PRKCA: variants seen among roughly 807,000 people sequenced by gnomAD.
PRKCA encodes the protein protein kinase C alpha type.
PRKCA carries 27 observed loss-of-function variants against 87.0 expected under a neutral mutation model. The ratio of observed to expected loss-of-function variants is 0.31; its 90% CI spans 0.23 to 0.43. The LOEUF (loss-of-function observed/expected upper bound fraction) is 0.43. Among genes scored for constraint, PRKCA ranks in the 20% least tolerant of loss-of-function variants. The pLI is 1.00. For missense variants in PRKCA, 518 were observed against 852.3 expected, an observed-to-expected ratio of 0.61 and a Z score of 4.88; for synonymous variants, 329 against 311.1, an observed-to-expected ratio of 1.06 and a Z score of -0.61.
intron 3 of PRKCA, among the ~76,000 whole-genome samples, chr17:66,528,394 A>G (rs918445749): frequency 6.6e-6 from 1 of 152,162 alleles, no homozygotes; most frequent in African/African-American, 2.4e-5. Flanking sequence ...AAAAGAGCAT[A>G]ATGCAGATGT....
intron 5 of PRKCA, among the ~76,000 whole-genome samples, chr17:66,653,472 TC>T (rs1416363944): frequency 2.0e-5 from 3 of 152,066 alleles, no homozygotes; most frequent in Non-Finnish European, 4.4e-5. Flanking sequence ...GCACTTGTAG[TC>T]CCAGCTACTC....
chr17:66,338,967 T>C (rs1906873428), intron 2 of PRKCA, among the ~76,000 whole-genome samples: 1 of 152,228 alleles, frequency 6.6e-6, no homozygotes, highest in African/African-American at 2.4e-5. Context: ...ACACAGGCCC[T>C]AATCTGTCTT....
intron 16 of PRKCA, among the ~76,000 whole-genome samples, chr17:66,799,730 C>G (rs35960477): frequency 0.36 from 53,237 of 148,232 alleles, 11,162 homozygotes; most frequent in African/African-American, 0.57. Context: ...TAACATCTTG[C>G]AAAACAAGTA....
intron 5 of PRKCA, among the ~76,000 whole-genome samples, chr17:66,647,754 G>C (rs1971493080): frequency 6.6e-6 from 1 of 152,188 alleles, no homozygotes; most frequent in African/African-American, 2.4e-5. Context: ...CAATTGTAGA[G>C]TCAGCTTAAG....
At chr17:66,402,933 C>T (rs1057292572) in intron 2 of PRKCA, among the ~76,000 whole-genome samples, 1 of 152,146 alleles carries the variant, frequency 6.6e-6, no homozygotes, top group Admixed American at 6.5e-5. Flanking sequence ...AATATTGGAG[C>T]CTGTCCTGGC....
chr17:66,472,404 T>G (rs73996232), intron 2 of PRKCA, among the ~76,000 whole-genome samples: 9,696 of 152,262 alleles, frequency 0.064, 1,029 homozygotes, highest in African/African-American at 0.22. Context: ...CAGGTGTCCC[T>G]GGGTTGGCTC....
rs540585052 is a variant in PRKCA, at chr17:66,375,398, A to G, written c.205+69271A>G. ...TTGCTGGCTGAAGCCAGATACCTAC[A>G]TGGGCTGTATAGTGATGGATGCTTC... is the stretch of plus-strand genomic sequence containing the variant. On this transcript the variant is annotated intron_variant, in intron 2 of 16. Transcript: ENST00000413366. Among the ~76,000 whole-genome samples, 126 of 152,230 alleles carry G rather than the reference A, an allele frequency of 8.3e-4. 1 individual carries two copies. Among genetic ancestry groups the G allele is most frequent in the African/African-American group, 2.8e-3 (118 of 41,562 alleles).
At chr17:66,683,431 C>T (rs190251837) in intron 5 of PRKCA, among the ~76,000 whole-genome samples, 110 of 152,318 alleles carry the variant, frequency 7.2e-4, no homozygotes, top group Admixed American at 4.1e-3. Context: ...GCTTAAAGAT[C>T]CTGGTGCCTG....
Position 66,616,964 on chromosome 17 carries a change from G to A in PRKCA, c.289-24391G>A, listed in dbSNP as rs556403708. On this transcript the variant is annotated intron_variant, in intron 3 of 16. Transcript: ENST00000413366. ...TGTGGCTCAGCTGAAGGTTGGGTAC[G>A]AACGGGACATAGGGCTGAACAGTTC... Among the ~76,000 whole-genome samples, 69 of 152,218 alleles carry A rather than the reference G, an allele frequency of 4.5e-4. 1 individual carries two copies. In the South Asian group the frequency reaches 0.013, roughly 29 times the overall value.
chr17:66,640,932 T>G, intron 3 of PRKCA: 1 of 389,026 alleles, frequency 2.6e-6, no homozygotes, highest in Non-Finnish European at 5.0e-6. Context: ...AGGCCAAGGC[T>G]GGTGCATCAC....
intron 3 of PRKCA, among the ~76,000 whole-genome samples, chr17:66,513,053 A>G (rs767238835): frequency 2.0e-5 from 3 of 152,310 alleles, no homozygotes; most frequent in East Asian, 1.9e-4. Flanking sequence ...CTAAAACCAT[A>G]CAATTTATTT....
At chr17:66,391,092 A>G (rs1469399430) in intron 2 of PRKCA, among the ~76,000 whole-genome samples, 1 of 151,814 alleles carries the variant, frequency 6.6e-6, no homozygotes, top group African/African-American at 2.4e-5. Flanking sequence ...CATCATAAAG[A>G]CCTCCGGGTA....
intron 2 of PRKCA, among the ~76,000 whole-genome samples, chr17:66,370,977 G>A (rs1909075363): frequency 6.6e-6 from 1 of 152,170 alleles, no homozygotes; most frequent in Admixed American, 6.5e-5. Context: ...AGGGCATGTT[G>A]CCTGTAGCAT....
chr17:66,509,411 C>G (rs952233563), intron 3 of PRKCA, among the ~76,000 whole-genome samples: 1 of 152,040 alleles, frequency 6.6e-6, no homozygotes, highest in Non-Finnish European at 1.5e-5. Flanking sequence ...AAGACATCAG[C>G]TCTGAAGTAA....
At chr17:66,786,638 C>T (rs753910098) in intron 14 of PRKCA, among the ~76,000 whole-genome samples, 2 of 152,034 alleles carry the variant, frequency 1.3e-5, no homozygotes, top group Non-Finnish European at 2.9e-5. Context: ...TTTGGGTTGC[C>T]CAGGGCAAGA....
intron 2 of PRKCA, among the ~76,000 whole-genome samples, chr17:66,309,595 G>A (rs1391484067): frequency 2.0e-5 from 3 of 152,210 alleles, no homozygotes; most frequent in African/African-American, 7.2e-5. Flanking sequence ...TGAGTGTGTA[G>A]TAGATTTCCA....
chr17:66,743,897 G>C (rs1974212488), intron 13 of PRKCA, among the ~76,000 whole-genome samples: 2 of 152,190 alleles, frequency 1.3e-5, no homozygotes, highest in Non-Finnish European at 2.9e-5. Context: ...TCTGGAATCT[G>C]TTATTTACAG....
At chr17:66,531,916 G>A (rs1039957994) in intron 3 of PRKCA, among the ~76,000 whole-genome samples, 8 of 152,164 alleles carry the variant, frequency 5.3e-5, no homozygotes, top group Non-Finnish European at 1.2e-4. Context: ...GTTTCCAGGG[G>A]TGGAATTTGA....
intron 2 of PRKCA, among the ~76,000 whole-genome samples, chr17:66,475,826 C>T (rs191582459): frequency 6.6e-6 from 1 of 152,264 alleles, no homozygotes; most frequent in East Asian, 1.9e-4. Context: ...TGATTGCAGT[C>T]AATGAAGATT....
Sources: gnomAD v4.1 joint callset for allele counts (sites outside exome capture counted in the v4.1 genomes callset) on GRCh38, gnomAD v4.1.1 for gene constraint, MANE v1.5 for transcripts, NCBI Gene and HGNC (gene_info 2026-07-23, HGNC 2026-07-21) for gene names.